STK33: variants seen among roughly 807,000 people sequenced by gnomAD.
STK33 encodes the protein serine/threonine kinase 33, also known as serine/threonine-protein kinase 33.
A neutral mutation model predicts 58.0 loss-of-function variants in STK33; 52 were observed. The observed-to-expected ratio is 0.90, with a 90% CI of 0.72 to 1.13. STK33 has a LOEUF of 1.13. Among genes scored for constraint, STK33 ranks in the 50% most tolerant of loss-of-function variants. The pLI is 0.00. For synonymous variants in STK33, 215 were observed against 200.1 expected (o/e 1.07, Z -0.63); for missense variants, 630 against 604.2 (o/e 1.04, Z -0.45).
chr11:8,564,547 T>C (rs1244782576), intron 1 of STK33, among the ~76,000 whole-genome samples: 1 of 152,186 alleles, frequency 6.6e-6, no homozygotes, highest in African/African-American at 2.4e-5. Flanking sequence ...TGCCCTTGTA[T>C]AGCATGTGAA....
intron 1 of STK33, among the ~76,000 whole-genome samples, chr11:8,539,311 A>G (rs919731408): frequency 1.3e-5 from 2 of 152,150 alleles, no homozygotes; most frequent in Non-Finnish European, 2.9e-5. Flanking sequence ...CTTAAAGGCA[A>G]TCTCTGACAC....
intron 15 of STK33, among the ~76,000 whole-genome samples, chr11:8,406,995 A>T (rs1939347550): frequency 6.6e-6 from 1 of 151,532 alleles, no homozygotes; most frequent in Non-Finnish European, 1.5e-5. Context: ...TTTTTTGTAA[A>T]ATCTCTTATT....
chr11:8,341,132 C>T, the STK33 span, among the ~76,000 whole-genome samples: 1 of 152,178 alleles, frequency 6.6e-6, no homozygotes, highest in Non-Finnish European at 1.5e-5. Context: ...GCTGGGATTA[C>T]AGGCGTGAGC....
chr11:8,395,777 A>T (rs1336913073), intron 15 of STK33, among the ~76,000 whole-genome samples: 1 of 152,204 alleles, frequency 6.6e-6, no homozygotes, highest in Non-Finnish European at 1.5e-5. Flanking sequence ...GACATTTTGC[A>T]CGTTCGTAAG....
chr11:8,397,732 C>T (rs1849611035), intron 15 of STK33, among the ~76,000 whole-genome samples: 1 of 151,952 alleles, frequency 6.6e-6, no homozygotes, highest in Non-Finnish European at 1.5e-5. Flanking sequence ...AGACAAATGG[C>T]AAACTAGGAT....
intron 15 of STK33, among the ~76,000 whole-genome samples, chr11:8,393,378 G>C (rs1848836873): frequency 1.3e-5 from 2 of 152,234 alleles, no homozygotes; most frequent in Non-Finnish European, 1.5e-5. Context: ...ACAGGCAATT[G>C]TATTTTCTCA....
chr11:8,454,603 G>A (rs2137011640), intron 10 of STK33, 141 bp downstream of exon 10: 1 of 1,021,600 alleles, frequency 9.8e-7, no homozygotes, highest in Non-Finnish European at 1.3e-6. Flanking sequence ...AACCTCTTGT[G>A]AAATTTTTAT....
At chr11:8,518,949 A>G (rs899512710) in intron 1 of STK33, among the ~76,000 whole-genome samples, 1 of 152,208 alleles carries the variant, frequency 6.6e-6, no homozygotes, top group Non-Finnish European at 1.5e-5. Flanking sequence ...GAAAGTTAAC[A>G]AGGATATCCA....
chr11:8,566,287 G>A (rs1046080662), intron 1 of STK33, among the ~76,000 whole-genome samples: 1 of 152,184 alleles, frequency 6.6e-6, no homozygotes, highest in South Asian at 2.1e-4. Context: ...TCCAAAACGT[G>A]AGAGTTGAGA....
At chr11:8,431,530 G>C (rs542759908) in intron 14 of STK33, among the ~76,000 whole-genome samples, 18 of 152,284 alleles carry the variant, frequency 1.2e-4, no homozygotes, top group African/African-American at 4.3e-4. Context: ...ATAAAGCAAA[G>C]TACAGACTTA....
At chr11:8,560,397 T>C (rs975310017) in intron 1 of STK33, among the ~76,000 whole-genome samples, 1 of 152,148 alleles carries the variant, frequency 6.6e-6, no homozygotes, top group Admixed American at 6.5e-5. Context: ...TATCTGTTCA[T>C]ACTGATTTTT....
chr11:8,584,774 G>A (rs367976777), intron 1 of STK33, among the ~76,000 whole-genome samples: 5 of 152,184 alleles, frequency 3.3e-5, no homozygotes, highest in African/African-American at 9.7e-5. Context: ...TACAGCCACA[G>A]AGGGAGCTCT....
intron 1 of STK33, among the ~76,000 whole-genome samples, chr11:8,584,333 CT>C (rs889091514): frequency 6.6e-6 from 1 of 152,126 alleles, no homozygotes; most frequent in Non-Finnish European, 1.5e-5. Flanking sequence ...CATAAGTGAC[CT>C]CTGGAACTTC....
At chr11:8,567,805 C>T (rs1022131207) in intron 1 of STK33, among the ~76,000 whole-genome samples, 8 of 152,230 alleles carry the variant, frequency 5.3e-5, no homozygotes, top group African/African-American at 9.6e-5. Flanking sequence ...CACCTAGCTA[C>T]ACACTAAATT....
chr11:8,491,589 G>A (rs1950615366), intron 1 of STK33, among the ~76,000 whole-genome samples: 1 of 152,102 alleles, frequency 6.6e-6, no homozygotes, highest in Non-Finnish European at 1.5e-5. Context: ...AGGAAATACA[G>A]AGAACACCAT....
chr11:8,564,229 A>C (rs184415373), intron 1 of STK33, among the ~76,000 whole-genome samples: 146 of 152,318 alleles, frequency 9.6e-4, no homozygotes, highest in African/African-American at 3.4e-3. Flanking sequence ...GGTTGTAGGG[A>C]ATTTAGGAAA....
At chr11:8,396,648 C>T (rs1460818571) in intron 15 of STK33, among the ~76,000 whole-genome samples, 1 of 152,150 alleles carries the variant, frequency 6.6e-6, no homozygotes, top group African/African-American at 2.4e-5. Flanking sequence ...CGAACGTGAG[C>T]CGAAGCAGGG....
the STK33 span, among the ~76,000 whole-genome samples, chr11:8,355,833 G>C: frequency 1.3e-5 from 2 of 152,212 alleles, no homozygotes; most frequent in African/African-American, 4.8e-5. Flanking sequence ...TGTCGGAAGC[G>C]CTTCGTAAAT....
intron 4 of STK33, among the ~76,000 whole-genome samples, chr11:8,476,174 A>T (rs1329175065): frequency 2.6e-5 from 4 of 152,190 alleles, no homozygotes; most frequent in Admixed American, 2.6e-4. Context: ...GCTCATTAAC[A>T]TCCTACATTT....
Sources: gnomAD v4.1 joint callset for allele counts (sites outside exome capture counted in the v4.1 genomes callset) on GRCh38, gnomAD v4.1.1 for gene constraint, MANE v1.5 for transcripts, NCBI Gene and HGNC (gene_info 2026-07-23, HGNC 2026-07-21) for gene names.